Variants in CNOT7 observed in about 807,000 individuals in gnomAD.
The protein encoded by CNOT7 is CCR4-NOT transcription complex subunit 7.
Under a neutral mutation model 37.1 loss-of-function variants are expected in CNOT7, and 4 were observed. The ratio of observed to expected loss-of-function variants is 0.11; its 90% CI spans 0.05 to 0.25. The LOEUF is 0.25. Among genes scored for constraint, CNOT7 ranks in the 10% least tolerant of loss-of-function variants. The pLI, the probability that CNOT7 is intolerant of heterozygous loss-of-function variation, is 1.00. For synonymous variants in CNOT7, 128 were observed against 115.6 expected, an observed-to-expected ratio of 1.11 and a Z score of -0.69; for missense variants, 170 against 336.2, an observed-to-expected ratio of 0.51 and a Z score of 3.87.
intron 4 of CNOT7, 25 bp from the exon 5 acceptor site, chr8:17,234,885 G>A (rs367553949): frequency 6.2e-7 from 1 of 1,605,680 alleles, no homozygotes; most frequent in African/African-American, 1.3e-5. Context: ...AAAGAATAGA[G>A]AAGAGGGACA....
At position 17,228,384 on chromosome 8, in the gene CNOT7, A is replaced by G. The variant is rs1808298363; in HGVS notation, c.*2336T>C. 6.6e-6 allele frequency: 1 copy of G among 151,978 alleles called. No individual in the cohort carries two copies. The highest frequency in any genetic ancestry group is 1.5e-5 in the Non-Finnish European group (1 of 67,858). The allele number at this position is 151,978 out of a possible 1,614,324, so 9.4% of individuals were successfully genotyped here. ...TAAAAAAGTAAAACTTAGACCCAGT[A>G]AAAGTCAAAATGTTCCTCTACAAAA... On this transcript the variant is annotated 3_prime_UTR_variant, in exon 7 of 7. Transcript: ENST00000361272.
Position 17,238,178 on chromosome 8 carries a change from T to G in CNOT7, c.312-805A>C, listed in dbSNP as rs575721404. ...TATCTGAAATATTAAAACAAAAAAG[T>G]TACCAAAATACAGATACATTTTTGA... is the stretch of plus-strand genomic sequence containing the variant. On this transcript the variant is annotated intron_variant, in intron 3 of 6. Transcript: ENST00000361272. Among the ~76,000 whole-genome samples the G allele has an allele frequency of 7.2e-5, 11 of 152,350 alleles. No individual in the cohort carries two copies. In the South Asian group the frequency reaches 1.9e-3, roughly 26 times the overall value.
chr8:17,242,825 T>C (rs999165805), intron 3 of CNOT7, 167 bp downstream of exon 3: 8 of 450,918 alleles, frequency 1.8e-5, no homozygotes, highest in Non-Finnish European at 3.1e-5. Flanking sequence ...TTTTTTTTGG[T>C]CCCATAGTAA....
intron 5 of CNOT7, among the ~76,000 whole-genome samples, chr8:17,233,478 C>T (rs967624760): frequency 2.0e-5 from 3 of 152,218 alleles, no homozygotes; most frequent in African/African-American, 7.2e-5. Context: ...AATTTTAACA[C>T]AGCAGCTTAC....
chr8:17,244,139 G>C (rs531934261), intron 2 of CNOT7, among the ~76,000 whole-genome samples: 14 of 152,256 alleles, frequency 9.2e-5, no homozygotes, highest in Admixed American at 2.0e-4. Flanking sequence ...TAAAACACTT[G>C]GTTTATGGAG....
rs537208155 is a variant in CNOT7 at position 17,232,083 on chromosome 8, A to G, written c.729+344T>C. 4.9e-6 allele frequency: 5 copies of G among 1,020,260 alleles called. No individual in the cohort carries two copies. The East Asian group carries it at 3.6e-4, about 74-fold the overall frequency. The allele number at this position is 1,020,260 out of a possible 1,614,324, so 63.2% of individuals were successfully genotyped here. A position where few individuals can be genotyped will look rare whatever the true frequency, so the allele number is the denominator to read the frequency against. On this transcript the variant is annotated intron_variant, in intron 6 of 6. Transcript: ENST00000361272. ...AGGAGGAGCACCAATGGGAGTCAGA[A>G]AAGAACTCTGGAGTTCTCCCACTAG... is the stretch of plus-strand genomic sequence containing the variant.
chr8:17,233,698 A>T lies in CNOT7; in HGVS notation c.618+1018T>A, dbSNP rs141990069. Among the ~76,000 whole-genome samples the T allele has an allele frequency of 4.0e-3, 612 of 152,304 alleles. 12 individuals carry two copies. Among genetic ancestry groups the T allele is most frequent in the Admixed American group, 0.036 (555 of 15,300 alleles). On this transcript the variant is annotated intron_variant, in intron 5 of 6. Transcript: ENST00000361272. ...GCAAGGGATACCCTACTGCAAGTTC[A>T]CTTCCTGGAAGTCCCCTCAAATTAC...
chr8:17,231,373 T>C (rs1406018528), intron 6 of CNOT7: 1 of 237,576 alleles, frequency 4.2e-6, no homozygotes, highest in African/African-American at 2.3e-5. Flanking sequence ...AAATAAACCA[T>C]TAAGACATTT....
At chr8:17,245,548 A>T (rs1359420266) in intron 1 of CNOT7, among the ~76,000 whole-genome samples, 1 of 152,244 alleles carries the variant, frequency 6.6e-6, no homozygotes, top group Non-Finnish European at 1.5e-5. Context: ...TCTGCATAAA[A>T]CTTTATAAAG....
In CNOT7 at chr8:17,227,958, T is replaced by G. The variant is rs949987564; in HGVS notation, c.*2762A>C. On this transcript the variant is annotated 3_prime_UTR_variant, in exon 7 of 7. Coordinates refer to ENST00000361272, the MANE Select transcript of CNOT7 (RefSeq NM_013354.7). ...TTCTGTAGCTTGCCAAGCGGCAATG[T>G]GAAACAAGACACACATACACAGGTT... 2 of 151,920 alleles carry G rather than the reference T, an allele frequency of 1.3e-5. No individual in the cohort carries two copies. Among genetic ancestry groups the G allele is most frequent in the Non-Finnish European group, 2.9e-5 (2 of 67,842 alleles). 9.4% of individuals were successfully genotyped at this position (151,920 alleles called of 1,614,324 possible).
At chr8:17,242,579 G>C (rs544595744) in intron 3 of CNOT7, 1 of 154,102 alleles carries the variant, frequency 6.5e-6, no homozygotes, top group Admixed American at 6.5e-5. Flanking sequence ...TCCAGAAAAC[G>C]TCTTACTGCA....
Position 17,226,664 on chromosome 8 carries a change from T to C in CNOT7, c.*4056A>G, listed in dbSNP as rs1026290579. 2 of 151,788 alleles carry C rather than the reference T, an allele frequency of 1.3e-5. No homozygotes were observed. The highest frequency in any genetic ancestry group is 4.8e-5 in the African/African-American group (2 of 41,414). The allele number at this position is 151,788 out of a possible 1,614,324, so 9.4% of individuals were successfully genotyped here. A position where few individuals can be genotyped will look rare whatever the true frequency, so the allele number is the denominator to read the frequency against. On this transcript the variant is annotated 3_prime_UTR_variant, in exon 7 of 7. Transcript: ENST00000361272. ...TACAGGAAAATATATCCACTAAAAA[T>C]GGATTTGGCAATACAGCGCTGTTTT...
chr8:17,242,725 T>G (rs1490813971), intron 3 of CNOT7: 2 of 272,454 alleles, frequency 7.3e-6, no homozygotes, highest in Non-Finnish European at 1.3e-5. Context: ...GGATTATTTT[T>G]TCTATCAGAA....
chr8:17,230,684 T>C lies in CNOT7; in HGVS notation c.*36A>G. 1 of 1,579,964 alleles carries C rather than the reference T, an allele frequency of 6.3e-7. No individual in the cohort carries two copies. The highest frequency in any genetic ancestry group is 8.6e-7 in the Non-Finnish European group (1 of 1,163,698). On this transcript the variant is annotated 3_prime_UTR_variant, in exon 7 of 7. Transcript: ENST00000361272. ...GATAAAACCTATATACAAGCATGTGTGTAGCTCGAAATAAAAATAAAAGGA... is the reference window on the plus strand; with the variant it reads ...GATAAAACCTATATACAAGCATGTGCGTAGCTCGAAATAAAAATAAAAGGA...
Position 17,227,026 on chromosome 8 carries a change from AT to A in CNOT7, c.*3693del, listed in dbSNP as rs1400862650. 36 of 151,588 alleles carry A rather than the reference AT, an allele frequency of 2.4e-4. No homozygotes were observed. The highest frequency in any genetic ancestry group is 8.4e-4 in the African/African-American group (35 of 41,466). The allele number at this position is 151,588 out of a possible 1,614,324, so 9.4% of individuals were successfully genotyped here. A position where few individuals can be genotyped will look rare whatever the true frequency, so the allele number is the denominator to read the frequency against. ...TTCTGTTTCTCACAAAAAAAAAAAA[AT>A]CATGGAACTGAAGATGGTTAAGTCC... is the stretch of plus-strand genomic sequence containing the variant. On this transcript the variant is annotated 3_prime_UTR_variant, in exon 7 of 7. Transcript: ENST00000361272.
At chr8:17,232,086 G>C in intron 6 of CNOT7, 3 of 1,006,438 alleles carry the variant, frequency 3.0e-6, no homozygotes, top group South Asian at 5.9e-5. Flanking sequence ...AGTCAGAAAA[G>C]AACTCTGGAG....
rs1186261181 is a variant in CNOT7, at chr8:17,225,229, G to C, written c.*5491C>G. 6.6e-6 allele frequency: 1 copy of C among 151,606 alleles called. No individual in the cohort carries two copies. The highest frequency in any genetic ancestry group is 1.5e-5 in the Non-Finnish European group (1 of 67,644). The allele number at this position is 151,606 out of a possible 1,614,324, so 9.4% of individuals were successfully genotyped here. A position where few individuals can be genotyped will look rare whatever the true frequency, so the allele number is the denominator to read the frequency against. ...AAGCTAAAGGAACTCCAATTTCTTG[G>C]TATGATACTAAATAAAGATTCTTAT... On this transcript the variant is annotated 3_prime_UTR_variant, in exon 7 of 7. Coordinates refer to ENST00000361272, the MANE Select transcript of CNOT7 (RefSeq NM_013354.7).
intron 6 of CNOT7, chr8:17,231,921 A>G (rs1465769190): frequency 2.0e-6 from 2 of 987,010 alleles, no homozygotes; most frequent in African/African-American, 1.7e-5. Flanking sequence ...TCAATGCAGT[A>G]AAAGAGCCTG....
At chr8:17,241,943 T>G (rs1193244460) in intron 3 of CNOT7, 1 of 152,172 alleles carries the variant, frequency 6.6e-6, no homozygotes, top group African/African-American at 2.4e-5. Context: ...CATTATTCAG[T>G]TGAGGGGTGA....
Sources: gnomAD v4.1 joint callset for allele counts (sites outside exome capture counted in the v4.1 genomes callset) on GRCh38, gnomAD v4.1.1 for gene constraint, MANE v1.5 for transcripts, NCBI Gene and HGNC (gene_info 2026-07-23, HGNC 2026-07-21) for gene names.